LDB2: variants seen among roughly 807,000 people sequenced by gnomAD.
LDB2 encodes the protein LIM domain binding 2.
Under a neutral mutation model 44.3 loss-of-function variants are expected in LDB2, and 12 were observed. The observed-to-expected ratio is 0.27, with a 90% CI of 0.17 to 0.44. LDB2 has a LOEUF of 0.44. LDB2 is among the 20% of genes least tolerant of loss of function. LDB2 has a pLI of 1.00. For missense variants in LDB2, 344 were observed against 473.5 expected, an observed-to-expected ratio of 0.73 and a Z score of 2.54; for synonymous variants, 164 against 174.8, an observed-to-expected ratio of 0.94 and a Z score of 0.49.
At chr4:16,660,873 T>C (rs1366752256) in intron 2 of LDB2, among the ~76,000 whole-genome samples, 2 of 152,162 alleles carry the variant, frequency 1.3e-5, no homozygotes, top group Non-Finnish European at 1.5e-5. Context: ...AGTTGGAGTG[T>C]GGCCCAGTCT....
chr4:16,640,300 T>A (rs576814525), intron 2 of LDB2, among the ~76,000 whole-genome samples: 4 of 152,286 alleles, frequency 2.6e-5, no homozygotes, highest in African/African-American at 9.6e-5. Context: ...AGGAGGTGGG[T>A]AATAGAGAAC....
At chr4:16,868,484 C>A (rs957839839) in intron 1 of LDB2, among the ~76,000 whole-genome samples, 4 of 152,194 alleles carry the variant, frequency 2.6e-5, no homozygotes, top group East Asian at 1.9e-4. Context: ...CCCACCCAAC[C>A]CCTTCTGCCA....
At chr4:16,573,734 T>C (rs1180558512) in intron 5 of LDB2, among the ~76,000 whole-genome samples, 1 of 152,110 alleles carries the variant, frequency 6.6e-6, no homozygotes, top group Non-Finnish European at 1.5e-5. Context: ...TGCGGCTCTG[T>C]CAGAATGCAT....
At chr4:16,760,120 C>T (rs1397153992) in intron 1 of LDB2, among the ~76,000 whole-genome samples, 1 of 152,060 alleles carries the variant, frequency 6.6e-6, no homozygotes, top group Non-Finnish European at 1.5e-5. Flanking sequence ...CAGTATAGGA[C>T]CTGATTTATC....
intron 2 of LDB2, among the ~76,000 whole-genome samples, chr4:16,734,626 G>T (rs1228645520): frequency 6.6e-6 from 1 of 151,736 alleles, no homozygotes; most frequent in Non-Finnish European, 1.5e-5. Context: ...CCAGCCCCCT[G>T]GCCGAGGCCC....
At chr4:16,836,474 C>T (rs1053623957) in intron 1 of LDB2, among the ~76,000 whole-genome samples, 1 of 152,112 alleles carries the variant, frequency 6.6e-6, no homozygotes, top group African/African-American at 2.4e-5. Flanking sequence ...ACCTAGATGC[C>T]CAGATGTCAA....
At chr4:16,683,283 T>C (rs1183588586) in intron 2 of LDB2, among the ~76,000 whole-genome samples, 2 of 152,240 alleles carry the variant, frequency 1.3e-5, no homozygotes, top group Non-Finnish European at 2.9e-5. Context: ...GCCTTAATAC[T>C]AATATTATGC....
chr4:16,801,475 G>A (rs1208210171), intron 1 of LDB2, among the ~76,000 whole-genome samples: 1 of 152,126 alleles, frequency 6.6e-6, no homozygotes, highest in Non-Finnish European at 1.5e-5. Flanking sequence ...GGAAATTGAA[G>A]GGATAAGAAA....
intron 1 of LDB2, among the ~76,000 whole-genome samples, chr4:16,856,081 G>A (rs533525934): frequency 1.3e-5 from 2 of 152,052 alleles, no homozygotes; most frequent in Non-Finnish European, 2.9e-5. Flanking sequence ...TCTATGTGAG[G>A]CCAATTTTCT....
At chr4:16,676,133 G>C (rs760671239) in intron 2 of LDB2, among the ~76,000 whole-genome samples, 3 of 152,196 alleles carry the variant, frequency 2.0e-5, no homozygotes, top group Non-Finnish European at 2.9e-5. Flanking sequence ...CCACCGCAGG[G>C]CGTGGAGGAG....
intron 2 of LDB2, among the ~76,000 whole-genome samples, chr4:16,739,214 T>C (rs1217882606): frequency 6.6e-6 from 1 of 151,956 alleles, no homozygotes; most frequent in African/African-American, 2.4e-5. Context: ...TTAAAATTTT[T>C]TGGAGACAAT....
intron 2 of LDB2, among the ~76,000 whole-genome samples, chr4:16,726,022 A>G (rs1353791209): frequency 6.6e-6 from 1 of 150,468 alleles, no homozygotes; most frequent in Non-Finnish European, 1.5e-5. Context: ...TGTGCATGTA[A>G]CCACTGAATT....
intron 1 of LDB2, among the ~76,000 whole-genome samples, chr4:16,792,213 G>A (rs1775912651): frequency 6.6e-6 from 1 of 152,160 alleles, no homozygotes; most frequent in Non-Finnish European, 1.5e-5. Context: ...ATAGGAATAT[G>A]AGCTCTCTAT....
intron 3 of LDB2, among the ~76,000 whole-genome samples, chr4:16,591,602 C>A (rs1718975008): frequency 6.6e-6 from 1 of 152,158 alleles, no homozygotes; most frequent in Non-Finnish European, 1.5e-5. Flanking sequence ...AGTAATTACA[C>A]CCACAGCTTC....
intron 5 of LDB2, among the ~76,000 whole-genome samples, chr4:16,525,069 C>T (rs1167513345): frequency 6.6e-6 from 1 of 152,192 alleles, no homozygotes; most frequent in Admixed American, 6.6e-5. Flanking sequence ...AGGAACATGA[C>T]TATCTTGTTC....
chr4:16,869,643 G>C (rs774010590), intron 1 of LDB2, among the ~76,000 whole-genome samples: 1 of 152,172 alleles, frequency 6.6e-6, no homozygotes, highest in Non-Finnish European at 1.5e-5. Flanking sequence ...TTCAGTACTT[G>C]GGCCTGAAAT....
At chr4:16,525,290 C>A (rs1332240417) in intron 5 of LDB2, among the ~76,000 whole-genome samples, 1 of 152,168 alleles carries the variant, frequency 6.6e-6, no homozygotes, top group Non-Finnish European at 1.5e-5. Context: ...AGTGTGGCTG[C>A]ATTTAGAACA....
chr4:16,568,991 C>G (rs901767552), intron 5 of LDB2, among the ~76,000 whole-genome samples: 1 of 152,180 alleles, frequency 6.6e-6, no homozygotes, highest in Non-Finnish European at 1.5e-5. Context: ...TTACATGTAA[C>G]AGGGTTCCTG....
chr4:16,630,577 C>A (rs1397441390), intron 2 of LDB2, among the ~76,000 whole-genome samples: 1 of 152,160 alleles, frequency 6.6e-6, no homozygotes, highest in Admixed American at 6.5e-5. Context: ...GGATAAAATT[C>A]ACACATAACA....
Sources: gnomAD v4.1 joint callset for allele counts (sites outside exome capture counted in the v4.1 genomes callset) on GRCh38, gnomAD v4.1.1 for gene constraint, MANE v1.5 for transcripts, NCBI Gene and HGNC (gene_info 2026-07-23, HGNC 2026-07-21) for gene names.